Variants in TMLHE observed in about 807,000 individuals in gnomAD.
TMLHE encodes the protein trimethyllysine dioxygenase, mitochondrial.
Under a neutral mutation model 25.7 loss-of-function variants are expected in TMLHE, and 18 were observed. The observed-to-expected ratio is 0.70, with a 90% CI of 0.48 to 1.04. The LOEUF (loss-of-function observed/expected upper bound fraction) is 1.04, where lower values mean the gene tolerates loss of function less well. TMLHE is among the 50% of genes least tolerant of loss of function. The pLI is 0.00. For missense variants in TMLHE, 236 were observed against 259.0 expected (o/e 0.91, Z 0.61); for synonymous variants, 105 against 97.0 (o/e 1.08, Z -0.49).
chrX:155,542,868 G>A (rs2067320985), intron 2 of TMLHE, among the ~76,000 whole-genome samples: 1 of 110,785 alleles, frequency 9.0e-6, no homozygotes, highest in Non-Finnish European at 1.9e-5. Context: ...ATATCTCTTT[G>A]TCTTTGGTTT....
chrX:155,506,747 A>G, intron 6 of TMLHE, 151 bp downstream of exon 6: 2 of 487,825 alleles, frequency 4.1e-6, no homozygotes, highest in Non-Finnish European at 7.0e-6. Flanking sequence ...CATGGGAATT[A>G]TAAGAAGAAT....
intron 5 of TMLHE, among the ~76,000 whole-genome samples, chrX:155,508,959 AT>A (rs1294238660): frequency 1.8e-5 from 2 of 111,008 alleles, no homozygotes; most frequent in Non-Finnish European, 3.8e-5. Context: ...AAAATAGAGA[AT>A]TAAGATATGG....
At chrX:155,531,650 C>T (rs925177944) in intron 2 of TMLHE, among the ~76,000 whole-genome samples, 4 of 111,848 alleles carry the variant, frequency 3.6e-5, no homozygotes, top group African/African-American at 1.3e-4. Flanking sequence ...ATGCCTCAAA[C>T]AACACACAGA....
intron 3 of TMLHE, among the ~76,000 whole-genome samples, chrX:155,515,047 G>A (rs1057020391): frequency 9.0e-6 from 1 of 110,786 alleles, no homozygotes; most frequent in Admixed American, 9.7e-5. Flanking sequence ...TGGTAAAAAA[G>A]TATCACACTT....
intron 1 of TMLHE, among the ~76,000 whole-genome samples, chrX:155,597,153 T>A (rs2067726434): frequency 9.3e-6 from 1 of 107,624 alleles, no homozygotes; most frequent in Non-Finnish European, 1.9e-5. Context: ...CTTGCGATAG[T>A]TTGCTGAGAA....
chrX:155,552,888 C>T (rs958822105), intron 1 of TMLHE, among the ~76,000 whole-genome samples: 1 of 108,233 alleles, frequency 9.2e-6, no homozygotes, highest in Admixed American at 9.7e-5. Context: ...TAAACAGTAT[C>T]CCTTTAAATT....
chrX:155,510,635 T>A (rs1473821866), intron 5 of TMLHE, among the ~76,000 whole-genome samples: 35 of 108,571 alleles, frequency 3.2e-4, no homozygotes, highest in African/African-American at 8.3e-4. Flanking sequence ...ACATTTTCTT[T>A]ATCCAGTCTA....
At chrX:155,570,133 G>A in intron 1 of TMLHE, among the ~76,000 whole-genome samples, 1 of 56,225 alleles carries the variant, frequency 1.8e-5, no homozygotes, top group Admixed American at 2.1e-4. Flanking sequence ...ATAAAAGGAC[G>A]GAGAAGATCT....
At chrX:155,534,878 T>C (rs2067269492) in intron 2 of TMLHE, among the ~76,000 whole-genome samples, 1 of 111,873 alleles carries the variant, frequency 8.9e-6, no homozygotes, top group Non-Finnish European at 1.9e-5. Flanking sequence ...CCCAATGTGA[T>C]GGTATCTGGA....
chrX:155,568,132 C>A (rs1169387616), intron 1 of TMLHE, among the ~76,000 whole-genome samples: 2 of 61,359 alleles, frequency 3.3e-5, no homozygotes, highest in Non-Finnish European at 9.1e-5. Context: ...CACTCCCACC[C>A]TAATACTGCG....
At chrX:155,611,013 C>T (rs1283517421) in intron 1 of TMLHE, among the ~76,000 whole-genome samples, 2 of 111,836 alleles carry the variant, frequency 1.8e-5, no homozygotes, top group Non-Finnish European at 3.8e-5. Flanking sequence ...ACACCAGGTC[C>T]TGCCAAATAG....
intron 2 of TMLHE, among the ~76,000 whole-genome samples, chrX:155,531,099 T>C (rs1557337030): frequency 2.7e-5 from 3 of 112,109 alleles, no homozygotes; most frequent in Non-Finnish European, 5.6e-5. Context: ...CAGTGCTGTA[T>C]GCACACTGAA....
chrX:155,531,427 G>A (rs2067248767), intron 2 of TMLHE, among the ~76,000 whole-genome samples: 2 of 110,895 alleles, frequency 1.8e-5, no homozygotes, highest in South Asian at 3.8e-4. Context: ...AAGAGAGAGT[G>A]AAGAAGTGCC....
At chrX:155,555,102 A>G (rs1380624474) in intron 1 of TMLHE, among the ~76,000 whole-genome samples, 7 of 109,699 alleles carry the variant, frequency 6.4e-5, no homozygotes, top group African/African-American at 1.3e-4. Context: ...TCATTGTTCA[A>G]TTCCCACCTA....
chrX:155,548,180 T>C (rs1176567329), intron 1 of TMLHE, among the ~76,000 whole-genome samples: 1 of 111,887 alleles, frequency 8.9e-6, no homozygotes, highest in African/African-American at 3.2e-5. Flanking sequence ...AGGACGTTGG[T>C]CTGGGCAAAA....
chrX:155,591,056 C>A (rs2067691299), intron 1 of TMLHE, among the ~76,000 whole-genome samples: 1 of 111,517 alleles, frequency 9.0e-6, no homozygotes, highest in Non-Finnish European at 1.9e-5. Context: ...GCTAGAGTGA[C>A]TACACTGTTA....
At chrX:155,582,568 A>G (rs1372074558) in intron 1 of TMLHE, among the ~76,000 whole-genome samples, 2 of 112,422 alleles carry the variant, frequency 1.8e-5, no homozygotes, top group Non-Finnish European at 3.8e-5. Flanking sequence ...GACACATGAA[A>G]AAATGCTCAT....
intron 1 of TMLHE, among the ~76,000 whole-genome samples, chrX:155,599,480 G>A (rs1439462636): frequency 9.0e-6 from 1 of 111,440 alleles, no homozygotes; most frequent in African/African-American, 3.3e-5. Context: ...GTATATTATA[G>A]AATTCAACAA....
At position 155,514,258 on chromosome X, in the gene TMLHE, A is replaced by G. The variant is rs782163435; in HGVS notation, c.366T>C (p.Asp122=). 8.4e-7 allele frequency: 1 copy of G among 1,194,934 alleles called. No individual in the cohort carries two copies. Among genetic ancestry groups the G allele is most frequent in the East Asian group, 3.0e-5 (1 of 33,546 alleles). ...DETTLFFTWP[D]GHVTKYDLNW... The stretch of plus-strand genomic sequence containing the variant: ...TCAAATCATATTTAGTCACATGACC[A>G]TCTGGCCCTTTTAAGGGGAAAAATA... Residue 122 remains aspartate (D), a synonymous_variant, in exon 4 of 8, where the codon GAT becomes GAC. Coordinates refer to ENST00000334398, the MANE Select transcript of TMLHE (RefSeq NM_018196.4).
Sources: allele counts gnomAD v4.1 joint callset (sites outside exome capture counted in the v4.1 genomes callset), GRCh38; gene constraint gnomAD v4.1.1; transcripts MANE v1.5; gene names NCBI Gene and HGNC (gene_info 2026-07-23, HGNC 2026-07-21).